AVPR1B: variants seen among roughly 807,000 people sequenced by gnomAD.
AVPR1B encodes the protein vasopressin V1b receptor.
AVPR1B carries 25 observed loss-of-function variants against 27.5 expected under a neutral mutation model. The ratio of observed to expected loss-of-function variants is 0.91; its 90% CI spans 0.66 to 1.27. AVPR1B has a LOEUF of 1.27. Ranked by LOEUF, AVPR1B falls within the 50% of genes most tolerant of loss-of-function variation. The pLI is 0.00. For synonymous variants in AVPR1B, 248 were observed against 240.2 expected, an observed-to-expected ratio of 1.03 and a Z score of -0.30; for missense variants, 595 against 556.9, an observed-to-expected ratio of 1.07 and a Z score of -0.69.
chr1:206,117,061 G>T lies in AVPR1B; in HGVS notation c.-171C>A. The T allele has an allele frequency of 1.2e-5, 8 of 692,000 alleles. No homozygotes were observed. In the South Asian group the frequency reaches 1.4e-4, roughly 12 times the overall value. 42.9% of individuals were successfully genotyped at this position (692,000 alleles called of 1,614,324 possible). On this transcript the variant is annotated 5_prime_UTR_variant, in exon 1 of 2. Transcript: ENST00000367126. ...ATCGTTCAGAGGACTGGGATAGAGAGGAGGAGGGAGGATGAGATTCGGAAG... is the reference window on the plus strand; with the variant it reads ...ATCGTTCAGAGGACTGGGATAGAGATGAGGAGGGAGGATGAGATTCGGAAG...
At position 206,116,638 on chromosome 1, in the gene AVPR1B, G is replaced by T; in HGVS notation, c.253C>A (p.Leu85Ile). ...HLALTDLAVALFQVLPQLLWD... is the reference protein window; with the variant it reads ...HLALTDLAVAIFQVLPQLLWD... ...AGCAGCTGTGGCAGCACCTGGAAGA[G>T]CGCCACGGCCAGGTCTGTCAGGGCT... Residue 85 changes from leucine (L) to isoleucine (I), a missense_variant, in exon 1 of 2, where the codon CTC becomes ATC. Physicochemically the swap from Leu to Ile is conservative, Grantham distance 5. Coordinates refer to ENST00000367126, the MANE Select transcript of AVPR1B (RefSeq NM_000707.5). 2 of 1,613,684 alleles carry T rather than the reference G, an allele frequency of 1.2e-6. No homozygotes were observed. The highest frequency in any genetic ancestry group is 1.7e-6 in the Non-Finnish European group (2 of 1,179,840).
At position 206,116,238 on chromosome 1, in the gene AVPR1B, C is replaced by A; in HGVS notation, c.653G>T (p.Cys218Phe). 4 of 1,613,760 alleles carry A rather than the reference C, an allele frequency of 2.5e-6. No homozygotes were observed. Among genetic ancestry groups the A allele is most frequent in the Non-Finnish European group, 3.4e-6 (4 of 1,180,032 alleles). ...GATCTCATGGCAGATGAGGCTGTAG[C>A]AGGCCGTGAGCATGGTCACCGGCAG... ...FVLPVTMLTACYSLICHEICK... is the reference protein window; with the variant it reads ...FVLPVTMLTAFYSLICHEICK... Residue 218 changes from cysteine (C) to phenylalanine (F), a missense_variant, in exon 1 of 2, where the codon TGC (cysteine) becomes TTC (phenylalanine). Physicochemically the swap from Cys to Phe is radical, Grantham distance 205. Transcript: ENST00000367126.
Position 206,108,046 on chromosome 1 carries a change from C to T in AVPR1B, c.*2143G>A, listed in dbSNP as rs1421252302. On this transcript the variant is annotated 3_prime_UTR_variant, in exon 2 of 2. Coordinates refer to ENST00000367126, the MANE Select transcript of AVPR1B (RefSeq NM_000707.5). ...GGGCACACAGCTGGTGTTCCTTCTA[C>T]CTCCCAGTCATCATGAAGAACAAAG... 1.3e-5 allele frequency among the ~76,000 whole-genome samples: 2 copies of T among 152,172 alleles called. No individual in the cohort carries two copies. The highest frequency in any genetic ancestry group is 2.9e-5 in the Non-Finnish European group (2 of 68,044).
Position 206,117,380 on chromosome 1 carries a change from G to C in AVPR1B, c.-490C>G, listed in dbSNP as rs1168477575. The stretch of plus-strand genomic sequence containing the variant: ...CCGCTCGCTCTGCCTGGTGAGCAGC[G>C]GCTGGAGCGCAGCGGCGCGGCTCGG... On this transcript the variant is annotated 5_prime_UTR_variant, in exon 1 of 2. Coordinates refer to ENST00000367126, the MANE Select transcript of AVPR1B (RefSeq NM_000707.5). 6.5e-6 allele frequency: 1 copy of C among 153,314 alleles called. No homozygotes were observed. Among genetic ancestry groups the C allele is most frequent in the African/African-American group, 2.4e-5 (1 of 41,482 alleles). The allele number at this position is 153,314 out of a possible 1,614,324, so 9.5% of individuals were successfully genotyped here. A position where few individuals can be genotyped will look rare whatever the true frequency, so the allele number is the denominator to read the frequency against.
chr1:206,116,123 A>T lies in AVPR1B; in HGVS notation c.768T>A (p.Ala256=). 6 of 1,614,182 alleles carry T rather than the reference A, an allele frequency of 3.7e-6. No homozygotes were observed. Among genetic ancestry groups the T allele is most frequent in the Non-Finnish European group, 5.1e-6 (6 of 1,180,042 alleles). Residue 256 remains alanine (A), a synonymous_variant, in exon 1 of 2, where the codon GCT becomes GCA. Coordinates refer to ENST00000367126, the MANE Select transcript of AVPR1B (RefSeq NM_000707.5). ...GAGATGGCAGCCCCCGAGTGGTGGC[A>T]GCTAAGGTGGAAGGTGAGGGCCTGT... ...TWDRPSPSTL[A]ATTRGLPSRV...
In AVPR1B at chr1:206,110,356, C is replaced by G. The variant is rs781800849; in HGVS notation, c.1108G>C (p.Gly370Arg). Reference protein sequence around the residue: ...QPRMRRRLSDGSLSSRHTTLL... With the variant: ...QPRMRRRLSDRSLSSRHTTLL... ...GTGGTGTGGCGGCTCGAGAGGCTGC[C>G]GTCGGAGAGCCGCCGGCGCATCCTG... is the stretch of plus-strand genomic sequence containing the variant. Residue 370 changes from glycine (G) to arginine (R), a missense_variant, in exon 2 of 2, where the codon GGC (glycine) becomes CGC (arginine). Transcript: ENST00000367126. 5.0e-6 allele frequency: 8 copies of G among 1,609,212 alleles called. No individual in the cohort carries two copies. In the African/African-American group the frequency reaches 6.7e-5, roughly 13 times the overall value.
intron 1 of AVPR1B, 49 bp from the exon 2 acceptor site, chr1:206,110,572 C>G (rs1553289715): frequency 6.7e-7 from 1 of 1,496,454 alleles, no homozygotes; most frequent in East Asian, 2.3e-5. Flanking sequence ...CTCGAAGGGA[C>G]CTGGGAGAGC....
In AVPR1B at chr1:206,116,474, G is replaced by C. The variant is rs782284906; in HGVS notation, c.417C>G (p.Pro139=). ...TLDRYLAVCH[P]LRSLQQPGQS... is the part of the protein sequence containing the mutation. ...GGCCTGGCTGCTGGAGGCTGCGCAG[G>C]GGGTGACAGACAGCCAGGTAGCGGT... is the stretch of plus-strand genomic sequence containing the variant. Residue 139 remains proline, a synonymous_variant, in exon 1 of 2, where the codon CCC becomes CCG. Transcript: ENST00000367126. 22 of 1,613,998 alleles carry C rather than the reference G, an allele frequency of 1.4e-5. No individual in the cohort carries two copies. The highest frequency in any genetic ancestry group is 1.9e-5 in the Non-Finnish European group (22 of 1,180,000).
rs114425500 is a variant in AVPR1B, at chr1:206,109,382, G to T, written c.*807C>A. Among the ~76,000 whole-genome samples, 813 of 152,258 alleles carry T rather than the reference G, an allele frequency of 5.3e-3. 9 individuals are homozygous for T. The highest frequency in any genetic ancestry group is 0.019 in the African/African-American group (790 of 41,536). ...AAAGGAGGGAGGGCCACAAGTCCCT[G>T]CTGCCCTTGAGGCTTATTCTTGCTG... is the stretch of plus-strand genomic sequence containing the variant. On this transcript the variant is annotated 3_prime_UTR_variant, in exon 2 of 2. Coordinates refer to ENST00000367126, the MANE Select transcript of AVPR1B (RefSeq NM_000707.5).
At chr1:206,111,149 C>T (rs1358972573) in intron 1 of AVPR1B, among the ~76,000 whole-genome samples, 1 of 152,168 alleles carries the variant, frequency 6.6e-6, no homozygotes, top group South Asian at 2.1e-4. Flanking sequence ...GACACCTATG[C>T]CATCATTGCC....
chr1:206,116,756 C>A lies in AVPR1B; in HGVS notation c.135G>T (p.Leu45=), dbSNP rs1558186270. The change falls in exon 1 of 2, where the codon CTG becomes CTT. Residue 45 remains leucine (L), a synonymous_variant. Transcript: ENST00000367126. ...CCAGGTTGCCCCCGGTCGCCAGCAC[C>A]AGGACAGTGGCCAGGACTCCGATCT... is the stretch of plus-strand genomic sequence containing the variant. The part of the protein sequence containing the change: ...KVEIGVLATV[L]VLATGGNLAV... 4 of 1,612,980 alleles carry A rather than the reference C, an allele frequency of 2.5e-6. No individual in the cohort carries two copies. The highest frequency in any genetic ancestry group is 3.4e-6 in the Non-Finnish European group (4 of 1,179,516).
In AVPR1B at chr1:206,116,893, G is replaced by T. The variant is rs781799235; in HGVS notation, c.-3C>A. On this transcript the variant is annotated 5_prime_UTR_variant, in exon 1 of 2. Transcript: ENST00000367126. ...TCCCACAGAGGCCCAGAATCCATGAGCAAGGTTTGCTGGGAGGGAAGGATG... is the reference window on the plus strand; with the variant it reads ...TCCCACAGAGGCCCAGAATCCATGATCAAGGTTTGCTGGGAGGGAAGGATG... 2.5e-6 allele frequency: 4 copies of T among 1,603,518 alleles called. No homozygotes were observed. Among genetic ancestry groups the T allele is most frequent in the Admixed American group, 3.4e-5 (2 of 58,824 alleles).
chr1:206,110,489 A>T lies in AVPR1B; in HGVS notation c.975T>A (p.Leu325=). The T allele has an allele frequency of 6.2e-7, 1 of 1,612,696 alleles. No individual in the cohort carries two copies. Among genetic ancestry groups the T allele is most frequent in the Non-Finnish European group, 8.5e-7 (1 of 1,178,980 alleles). Residue 325 remains leucine (L), a synonymous_variant, in exon 2 of 2, where the codon CTT becomes CTA. Coordinates refer to ENST00000367126, the MANE Select transcript of AVPR1B (RefSeq NM_000707.5). Reference sequence around the variant, plus strand: ...TGCAGCAGCTGTTGAGGTTGCCCAAAAGCATAGAGATGGTGAAAGCCACAT... The same window carrying T: ...TGCAGCAGCTGTTGAGGTTGCCCAATAGCATAGAGATGGTGAAAGCCACAT... The part of the protein sequence containing the change: ...STNVAFTISM[L]LGNLNSCCNP...
At chr1:206,114,268 G>A (rs1271992434) in intron 1 of AVPR1B, among the ~76,000 whole-genome samples, 1 of 152,112 alleles carries the variant, frequency 6.6e-6, no homozygotes, top group Non-Finnish European at 1.5e-5. Flanking sequence ...TGAACTCTCA[G>A]GAAGCTTCCA....
chr1:206,113,476 C>A (rs1663412252), intron 1 of AVPR1B, among the ~76,000 whole-genome samples: 1 of 152,334 alleles, frequency 6.6e-6, no homozygotes, highest in Non-Finnish European at 1.5e-5. Context: ...TGTAAGATAA[C>A]CCTTTGGGAC....
At chr1:206,110,628 G>C in intron 1 of AVPR1B, 105 bp from the exon 2 acceptor site, 1 of 1,022,224 alleles carries the variant, frequency 9.8e-7, no homozygotes. Flanking sequence ...CTGAGTCCTA[G>C]AGAGGGGAAA....
At chr1:206,113,042 G>A (rs1321589490) in intron 1 of AVPR1B, among the ~76,000 whole-genome samples, 1 of 152,202 alleles carries the variant, frequency 6.6e-6, no homozygotes, top group Non-Finnish European at 1.5e-5. Flanking sequence ...CATCCTGTCT[G>A]CTCCATCGAT....
At chr1:206,112,244 C>T (rs556763310) in intron 1 of AVPR1B, among the ~76,000 whole-genome samples, 2 of 152,080 alleles carry the variant, frequency 1.3e-5, no homozygotes, top group South Asian at 4.2e-4. Context: ...GATGTTTGTG[C>T]CCTCCAAATC....
In AVPR1B at chr1:206,108,932, G is replaced by A. The variant is rs1663323990; in HGVS notation, c.*1257C>T. 6.6e-6 allele frequency among the ~76,000 whole-genome samples: 1 copy of A among 152,248 alleles called. No individual in the cohort carries two copies. Among genetic ancestry groups the A allele is most frequent in the Non-Finnish European group, 1.5e-5 (1 of 68,038 alleles). ...CAAAAGTGGACAGTATGGCCATGGT[G>A]GGACCCACCGTCACCAGAATTGAGT... On this transcript the variant is annotated 3_prime_UTR_variant, in exon 2 of 2. Transcript: ENST00000367126.
Sources: allele counts gnomAD v4.1 joint callset (sites outside exome capture counted in the v4.1 genomes callset), GRCh38; gene constraint gnomAD v4.1.1; transcripts MANE v1.5; gene names NCBI Gene and HGNC (gene_info 2026-07-23, HGNC 2026-07-21).